The following DNAI7 variants were observed in gnomAD, a reference collection of about 807,000 sequenced individuals.
The protein encoded by DNAI7 is dynein axonemal intermediate chain 7.
DNAI7 carries 78 observed loss-of-function variants against 86.6 expected under a neutral mutation model. The ratio of observed to expected loss-of-function variants is 0.90; its 90% CI spans 0.75 to 1.09. The LOEUF (loss-of-function observed/expected upper bound fraction) is 1.09, where lower values mean the gene tolerates loss of function less well. Ranked by LOEUF, DNAI7 falls within the 50% of genes least tolerant of loss-of-function variation. The pLI is 0.00. For missense variants in DNAI7, 753 were observed against 810.2 expected, an observed-to-expected ratio of 0.93 and a Z score of 0.86; for synonymous variants, 274 against 273.0, an observed-to-expected ratio of 1.00 and a Z score of -0.04.
At chr12:25,177,639 G>A (rs571016194) in intron 2 of DNAI7, among the ~76,000 whole-genome samples, 5 of 152,098 alleles carry the variant, frequency 3.3e-5, no homozygotes, top group South Asian at 2.1e-4. Context: ...CCTGGTGTCC[G>A]TCTGCAAGGG....
chr12:25,139,276 A>G (rs1400065500), intron 9 of DNAI7, among the ~76,000 whole-genome samples: 1 of 152,198 alleles, frequency 6.6e-6, no homozygotes, highest in Non-Finnish European at 1.5e-5. Context: ...GAATTCTATC[A>G]GGCATTCAAA....
intron 1 of DNAI7, 193 bp downstream of exon 1, chr12:25,194,883 T>C (rs1565868293): frequency 8.1e-6 from 13 of 1,614,064 alleles, no homozygotes; most frequent in Middle Eastern, 1.7e-4. Flanking sequence ...TTGGGACTCC[T>C]ACCTGTCCGC....
intron 9 of DNAI7, among the ~76,000 whole-genome samples, chr12:25,129,362 G>A (rs902026175): frequency 6.6e-5 from 10 of 152,038 alleles, no homozygotes; most frequent in African/African-American, 2.2e-4. Flanking sequence ...CCATCCTCCC[G>A]AGGGCCAGAA....
chr12:25,148,773 T>C (rs567867689), intron 7 of DNAI7, among the ~76,000 whole-genome samples: 87 of 152,332 alleles, frequency 5.7e-4, no homozygotes, highest in African/African-American at 1.9e-3. Flanking sequence ...ACTTCTAAGC[T>C]AGCCTCTTAG....
In DNAI7 at chr12:25,119,241, TCTCAAA is replaced by T; in HGVS notation, c.1294_1299del (p.Phe432_Glu433del). 6.2e-7 allele frequency: 1 copy of T among 1,612,442 alleles called. No individual in the cohort carries two copies. On this transcript the variant is annotated inframe_deletion, in exon 12 of 16. Transcript: ENST00000395987. ...TCTATAGGTGGGAAAGCATTTTCTGTCTCAAACTCTTCTGTAGTTTCCGGAGGATAT... is the reference window on the plus strand; with the variant it reads ...TCTATAGGTGGGAAAGCATTTTCTGTCTCTTCTGTAGTTTCCGGAGGATAT...
intron 2 of DNAI7, among the ~76,000 whole-genome samples, chr12:25,182,279 G>A (rs539272709): frequency 8.0e-5 from 12 of 150,008 alleles, no homozygotes; most frequent in Non-Finnish European, 1.3e-4. Flanking sequence ...CCTGGGGGGC[G>A]GAGGTTGCAG....
intron 2 of DNAI7, among the ~76,000 whole-genome samples, chr12:25,175,223 C>G (rs1434230189): frequency 1.3e-5 from 2 of 152,182 alleles, no homozygotes; most frequent in Admixed American, 1.3e-4. Flanking sequence ...CCACTCTACT[C>G]TCAGCTGCTG....
At chr12:25,113,841 TACA>T (rs1939476842) in intron 13 of DNAI7, among the ~76,000 whole-genome samples, 1 of 152,002 alleles carries the variant, frequency 6.6e-6, no homozygotes, top group African/African-American at 2.4e-5. Context: ...CATGCTCATT[TACA>T]GTTAATCCCC....
intron 1 of DNAI7, among the ~76,000 whole-genome samples, chr12:25,193,539 C>T (rs1950726123): frequency 6.6e-6 from 1 of 152,162 alleles, no homozygotes; most frequent in South Asian, 2.1e-4. Flanking sequence ...TGTGGCAATT[C>T]CTTACTTGGC....
rs374334735 is a variant in DNAI7, at chr12:25,147,092, A to G, written c.598T>C (p.Leu200=). Residue 200 remains leucine, a synonymous_variant, in exon 8 of 16, where the codon TTG becomes CTG. Coordinates refer to ENST00000395987, the MANE Select transcript of DNAI7 (RefSeq NM_018272.5). ...ATATTTCCACTGTCCAGATCTGCCA[A>G]AGTACTAGCTTGCTGTAAGAGAAAA... The part of the protein sequence containing the change: ...TEILLKQAST[L]ADLDSGNMEK... The G allele has an allele frequency of 1.3e-4, 198 of 1,578,052 alleles. No individual in the cohort carries two copies. Among genetic ancestry groups the G allele is most frequent in the Admixed American group, 2.0e-4 (12 of 59,906 alleles).
intron 2 of DNAI7, among the ~76,000 whole-genome samples, chr12:25,163,282 G>A (rs1258579864): frequency 1.3e-5 from 2 of 151,998 alleles, no homozygotes; most frequent in Non-Finnish European, 2.9e-5. Flanking sequence ...CTAGATGGCC[G>A]GTTCCTGCCT....
At chr12:25,131,627 A>C (rs1942940598) in intron 9 of DNAI7, among the ~76,000 whole-genome samples, 1 of 152,220 alleles carries the variant, frequency 6.6e-6, no homozygotes, top group South Asian at 2.1e-4. Context: ...TAAAGGTAGC[A>C]GAAGTGATCT....
chr12:25,179,478 T>C (rs1476249885), intron 2 of DNAI7, among the ~76,000 whole-genome samples: 1 of 152,166 alleles, frequency 6.6e-6, no homozygotes, highest in Non-Finnish European at 1.5e-5. Context: ...ATTGTGGATG[T>C]GTCTATTTGT....
At chr12:25,175,975 G>A (rs1168619819) in intron 2 of DNAI7, among the ~76,000 whole-genome samples, 1 of 152,020 alleles carries the variant, frequency 6.6e-6, no homozygotes, top group Non-Finnish European at 1.5e-5. Flanking sequence ...AGCTACTCGG[G>A]AGGCTGAGGT....
chr12:25,110,157 T>G lies in DNAI7; in HGVS notation c.1863A>C (p.Leu621=), dbSNP rs921369453. The change falls in exon 15 of 16, where the codon CTA becomes CTC. Residue 621 remains leucine, a synonymous_variant. Transcript: ENST00000395987. Reference sequence around the variant, plus strand: ...ATACGACTTTTGTAGAATTACATAGTAGGTTCCACTTGCTCCAACCAAATG... The same window carrying G: ...ATACGACTTTTGTAGAATTACATAGGAGGTTCCACTTGCTCCAACCAAATG... The part of the protein sequence containing the change: ...AFAFGWSKWN[L]LCNSTKVVFK... 2.5e-6 allele frequency: 4 copies of G among 1,606,576 alleles called. No homozygotes were observed. The highest frequency in any genetic ancestry group is 3.3e-5 in the Admixed American group (2 of 59,988).
intron 2 of DNAI7, among the ~76,000 whole-genome samples, chr12:25,168,925 T>A (rs1048369138): frequency 1.3e-5 from 2 of 152,120 alleles, no homozygotes; most frequent in African/African-American, 4.8e-5. Context: ...CCCCTTACCA[T>A]AAAATCTTCC....
intron 2 of DNAI7, among the ~76,000 whole-genome samples, chr12:25,164,966 G>T (rs896166319): frequency 2.6e-5 from 4 of 152,196 alleles, no homozygotes; most frequent in Non-Finnish European, 4.4e-5. Context: ...TAAAAAGGTG[G>T]CTGGAGCTAA....
At chr12:25,167,483 A>T (rs1199554246) in intron 2 of DNAI7, among the ~76,000 whole-genome samples, 1 of 151,852 alleles carries the variant, frequency 6.6e-6, no homozygotes, top group East Asian at 1.9e-4. Flanking sequence ...TCCCATTCTT[A>T]TGCCACCCTC....
At position 25,195,025 on chromosome 12, in the gene DNAI7, G is replaced by A. The variant is rs61732541; in HGVS notation, c.3+51C>T. On this transcript the variant is annotated intron_variant, in intron 1 of 15. Transcript: ENST00000395987. ...GATTACATTATTTAACACTGGTGAA[G>A]CAGAATCAGTGGTCGCCCCTCCACC... is the stretch of plus-strand genomic sequence containing the variant. 6,142 of 1,614,228 alleles carry A rather than the reference G, an allele frequency of 3.8e-3. 180 individuals are homozygous for A. In the African/African-American group the frequency reaches 0.071, roughly 19 times the overall value.
Sources: gnomAD v4.1 joint callset for allele counts (sites outside exome capture counted in the v4.1 genomes callset) on GRCh38, gnomAD v4.1.1 for gene constraint, MANE v1.5 for transcripts, NCBI Gene and HGNC (gene_info 2026-07-23, HGNC 2026-07-21) for gene names.